HTR3E: variants seen among roughly 807,000 people sequenced by gnomAD.
The protein encoded by HTR3E is 5-hydroxytryptamine receptor 3E, also known as 5-hydroxytryptamine (serotonin) receptor 3, family member E.
Under a neutral mutation model 38.0 loss-of-function variants are expected in HTR3E, and 38 were observed. The ratio of observed to expected loss-of-function variants is 1.00; its 90% CI spans 0.77 to 1.31. The LOEUF (loss-of-function observed/expected upper bound fraction) is 1.31, where lower values mean the gene tolerates loss of function less well. Among genes scored for constraint, HTR3E ranks in the 50% most tolerant of loss-of-function variants. The pLI is 0.00. For synonymous variants in HTR3E, 210 were observed against 232.9 expected (o/e 0.90, Z 0.89); for missense variants, 547 against 585.2 (o/e 0.93, Z 0.67).
chr3:184,101,591 A>G (rs1310031094), intron 3 of HTR3E, 62 bp downstream of exon 3: 1 of 1,338,884 alleles, frequency 7.5e-7, no homozygotes, highest in Non-Finnish European at 1.1e-6. Context: ...AAACGAAGAT[A>G]TAATAATTAT....
chr3:184,097,992 C>T lies in HTR3E; in HGVS notation c.67+396C>T, dbSNP rs573078909. Among the ~76,000 whole-genome samples the T allele has an allele frequency of 2.6e-5, 4 of 152,314 alleles. No individual in the cohort carries two copies. In the East Asian group the frequency reaches 7.7e-4, roughly 29 times the overall value. ...CTTCTATATCCATCCATCTTTCTAT[C>T]CACAGGTGTAATTCTTTCTCTCTAC... is the stretch of plus-strand genomic sequence containing the variant. On this transcript the variant is annotated intron_variant, in intron 1 of 8. Transcript: ENST00000415389.
At chr3:184,101,990 AAAAACAAAAC>A (rs199969600) in intron 3 of HTR3E, among the ~76,000 whole-genome samples, 11 of 152,164 alleles carry the variant, frequency 7.2e-5, no homozygotes, top group African/African-American at 2.7e-4. Context: ...ACTCTATCTC[AAAAACAAAAC>A]AAAACAAAAC....
intron 1 of HTR3E, among the ~76,000 whole-genome samples, chr3:184,099,732 A>C (rs1473258518): frequency 6.8e-6 from 1 of 146,786 alleles, no homozygotes; most frequent in Admixed American, 6.8e-5. Flanking sequence ...AAAAAAAAAA[A>C]AAAAAAAAGA....
At position 184,100,460 on chromosome 3, in the gene HTR3E, C is replaced by T; in HGVS notation, c.68-25C>T. The T allele has an allele frequency of 3.7e-6, 6 of 1,614,224 alleles. No individual in the cohort carries two copies. In the South Asian group the frequency reaches 4.4e-5, roughly 12 times the overall value. On this transcript the variant is annotated intron_variant, in intron 1 of 8. Transcript: ENST00000415389. ...GGAGCACAGGGTTGCTCTCCTTCAT[C>T]TCACACATTCGATGTCCACTACAGG...
intron 4 of HTR3E, 49 bp from the exon 5 acceptor site, chr3:184,104,738 A>AT: frequency 7.7e-7 from 1 of 1,306,430 alleles, no homozygotes; most frequent in African/African-American, 1.5e-5. Context: ...AAAAAAAAAA[A>AT]GAGAGAGAGA....
intron 1 of HTR3E, among the ~76,000 whole-genome samples, chr3:184,098,421 C>T (rs2108987018): frequency 6.6e-6 from 1 of 152,298 alleles, no homozygotes; most frequent in Non-Finnish European, 1.5e-5. Flanking sequence ...TTAGATTATT[C>T]CATGACTTTG....
At chr3:184,100,084 C>T in intron 1 of HTR3E, 2 of 1,193,606 alleles carry the variant, frequency 1.7e-6, no homozygotes, top group Non-Finnish European at 2.1e-6. Context: ...GAAGGAAGAG[C>T]CCAGCGTCTG....
rs7627615 is a variant in HTR3E at position 184,100,628 on chromosome 3, G to A, written c.211G>A (p.Ala71Thr). The change falls in exon 2 of 9, where the codon GCG (alanine) becomes ACG (threonine). Residue 71 changes from alanine to threonine, a missense_variant. By Grantham distance (58) the Ala-to-Thr change is moderately conservative. Coordinates refer to ENST00000415389, the MANE Select transcript of HTR3E (RefSeq NM_001256613.2). ...CCCCACCCAAGTCAACATCTCCTTC[G>A]CGATGTCTGCCATCCTAGATGTGGT... The part of the protein sequence containing the change: ...SVPTQVNISF[A>T]MSAILDVNEQ... 990,130 of 1,613,590 alleles carry A rather than the reference G, an allele frequency of 0.61. 308,536 individuals carry two copies. The highest frequency in any genetic ancestry group is 0.88 in the African/African-American group (66,264 of 74,946).
chr3:184,104,739 G>C, intron 4 of HTR3E, 48 bp from the exon 5 acceptor site: 1 of 878,086 alleles, frequency 1.1e-6, no homozygotes, highest in Non-Finnish European at 1.6e-6. Context: ...AAAAAAAAAA[G>C]AGAGAGAGAA....
intron 5 of HTR3E, 136 bp downstream of exon 5, chr3:184,105,092 T>A: frequency 8.5e-7 from 1 of 1,179,400 alleles, no homozygotes; most frequent in Admixed American, 2.8e-5. Context: ...ATATTTTCCA[T>A]AAAGGCAGAA....
chr3:184,099,510 T>C (rs567824140), intron 1 of HTR3E, among the ~76,000 whole-genome samples: 39 of 151,596 alleles, frequency 2.6e-4, no homozygotes, highest in Middle Eastern at 3.4e-3. Flanking sequence ...GTCAGGAGAT[T>C]GAGACCATCC....
chr3:184,101,392 A>T, intron 2 of HTR3E, 93 bp from the exon 3 acceptor site: 2 of 1,023,592 alleles, frequency 2.0e-6, no homozygotes, highest in Non-Finnish European at 3.1e-6. Flanking sequence ...CCCTTTATAT[A>T]CCTTGGGAGT....
intron 1 of HTR3E, chr3:184,100,118 C>G: frequency 2.3e-6 from 3 of 1,295,850 alleles, no homozygotes; most frequent in Non-Finnish European, 2.9e-6. Flanking sequence ...GATCCCCTCC[C>G]CATTCTTCAT....
Position 184,106,522 on chromosome 3 carries a change from G to C in HTR3E, c.1200G>C (p.Leu400=). 1 of 1,613,374 alleles carries C rather than the reference G, an allele frequency of 6.2e-7. No individual in the cohort carries two copies. ...GQMPGPAEAE[L]TGGSEWTRAQ... ...TGCCGGGCCCTGCGGAGGCAGAGCT[G>C]ACAGGGGGCTCAGAATGGACAAGGG... The change falls in exon 9 of 9, where the codon CTG becomes CTC. Residue 400 remains leucine (L), a synonymous_variant. Transcript: ENST00000415389. This position sits in a 1 kb window ranked among gnomAD's most constrained non-coding sequence, Gnocchi z 4.1.
Position 184,106,064 on chromosome 3 carries a change from G to A in HTR3E, c.926-64G>A. On this transcript the variant is annotated intron_variant, in intron 7 of 8. Coordinates refer to ENST00000415389, the MANE Select transcript of HTR3E (RefSeq NM_001256613.2). The surrounding 1 kb of genome is among the most constrained non-coding windows in gnomAD (Gnocchi z 4.1). ...AGGAGGCCGTATGCCTGCCAGGGTG[G>A]GATTGGAAGAGAAGAAATTCTAGGT... 6.3e-7 allele frequency: 1 copy of A among 1,597,290 alleles called. No individual in the cohort carries two copies.
chr3:184,105,114 C>A, intron 5 of HTR3E, 153 bp from the exon 6 acceptor site: 1 of 1,159,330 alleles, frequency 8.6e-7, no homozygotes, highest in Non-Finnish European at 1.2e-6. Flanking sequence ...CCAAGTCTGT[C>A]TTGTTCCTTA....
chr3:184,101,357 G>A, intron 2 of HTR3E, 128 bp from the exon 3 acceptor site: 1 of 824,482 alleles, frequency 1.2e-6, no homozygotes, highest in Non-Finnish European at 2.1e-6. Flanking sequence ...GGTTTGGATA[G>A]AGCTTTTGTT....
At chr3:184,103,396 G>A (rs553249208) in intron 3 of HTR3E, among the ~76,000 whole-genome samples, 5 of 152,212 alleles carry the variant, frequency 3.3e-5, no homozygotes, top group East Asian at 3.9e-4. Flanking sequence ...TTGGAAGGCC[G>A]AGGCGGGTGG....
chr3:184,100,747 T>A (rs1711989734), intron 2 of HTR3E, 96 bp downstream of exon 2: 5 of 1,515,708 alleles, frequency 3.3e-6, no homozygotes, highest in Non-Finnish European at 4.4e-6. Context: ...CATTTCTGCT[T>A]CCTCCACCAC....
Sources: gnomAD v4.1 joint callset for allele counts (sites outside exome capture counted in the v4.1 genomes callset) on GRCh38, gnomAD v4.1.1 for gene constraint, Gnocchi (gnomAD v3.1) non-coding constraint, MANE v1.5 for transcripts, NCBI Gene and HGNC (gene_info 2026-07-23, HGNC 2026-07-21) for gene names.